Variants in TRABD2B observed in about 807,000 individuals in gnomAD.
The protein encoded by TRABD2B is metalloprotease TIKI2.
In TRABD2B, 14 loss-of-function variants were observed where a neutral mutation model predicts 40.1. The observed-to-expected ratio is 0.35, with a 90% CI of 0.23 to 0.55. The LOEUF (loss-of-function observed/expected upper bound fraction) is 0.55, where lower values mean the gene tolerates loss of function less well. Ranked by LOEUF, TRABD2B falls within the 20% of genes least tolerant of loss-of-function variation. The probability of loss-of-function intolerance (pLI) is 0.90; values close to 1 mark genes in which losing one functional copy is unlikely to be tolerated. For synonymous variants in TRABD2B, 263 were observed against 277.0 expected (o/e 0.95, Z 0.50); for missense variants, 541 against 648.6 (o/e 0.83, Z 1.80).
intron 2 of TRABD2B, among the ~76,000 whole-genome samples, chr1:47,842,050 G>A (rs1265691970): frequency 2.0e-5 from 3 of 152,116 alleles, no homozygotes; most frequent in Non-Finnish European, 2.9e-5. Flanking sequence ...GGGATTACAG[G>A]CATGAACCAC....
chr1:47,795,648 G>T (rs1232855561), intron 3 of TRABD2B: 1 of 984,920 alleles, frequency 1.0e-6, no homozygotes, highest in Admixed American at 6.2e-5. Flanking sequence ...AGAGGATGGG[G>T]GCTGTCATGG....
chr1:47,931,653 C>A (rs112344524), intron 2 of TRABD2B, among the ~76,000 whole-genome samples: 3,234 of 152,266 alleles, frequency 0.021, 57 homozygotes, highest in South Asian at 0.063. Flanking sequence ...CATCTCCCAG[C>A]CATACCTGCC....
chr1:47,959,862 A>C (rs977785486), intron 2 of TRABD2B, among the ~76,000 whole-genome samples: 1 of 152,216 alleles, frequency 6.6e-6, no homozygotes, highest in Non-Finnish European at 1.5e-5. Context: ...TCATTTTATG[A>C]GGCCAGCATC....
At chr1:47,922,991 C>G (rs1209862560) in intron 2 of TRABD2B, among the ~76,000 whole-genome samples, 1 of 152,166 alleles carries the variant, frequency 6.6e-6, no homozygotes, top group South Asian at 2.1e-4. Flanking sequence ...TCAAAGAGGA[C>G]CTCCCTTCCT....
intron 2 of TRABD2B, among the ~76,000 whole-genome samples, chr1:47,934,396 T>G (rs552340050): frequency 1.8e-3 from 273 of 152,352 alleles, no homozygotes; most frequent in Non-Finnish European, 2.0e-3. Flanking sequence ...TCCTAGCTGG[T>G]AAGGCGCATT....
rs369259976 is a variant in TRABD2B at position 47,909,199 on chromosome 1, A to C, written c.666+84835T>G. 1.1e-4 allele frequency among the ~76,000 whole-genome samples: 17 copies of C among 152,344 alleles called. No individual in the cohort carries two copies. In the East Asian group the frequency reaches 1.5e-3, roughly 14 times the overall value. On this transcript the variant is annotated intron_variant, in intron 2 of 6. Transcript: ENST00000606738. ...CTTTAACTGTGCAAGGTAGTGTGTT[A>C]GTCTGTTTTGCATTGCTATAAAAGA...
intron 4 of TRABD2B, among the ~76,000 whole-genome samples, chr1:47,785,137 C>T (rs1644578279): frequency 6.6e-6 from 1 of 152,126 alleles, no homozygotes; most frequent in South Asian, 2.1e-4. Flanking sequence ...GTTGCAGTAA[C>T]ATAAAGTGAA....
At chr1:47,856,906 C>T (rs558813769) in intron 2 of TRABD2B, among the ~76,000 whole-genome samples, 3 of 152,306 alleles carry the variant, frequency 2.0e-5, no homozygotes, top group African/African-American at 7.2e-5. Flanking sequence ...AAAAGGAAAA[C>T]GTACTAGAGG....
At chr1:47,830,641 G>A (rs1025513987) in intron 2 of TRABD2B, among the ~76,000 whole-genome samples, 2 of 152,206 alleles carry the variant, frequency 1.3e-5, no homozygotes, top group African/African-American at 2.4e-5. Flanking sequence ...ATAGGATGAC[G>A]GATATTATTC....
At chr1:47,904,615 T>G (rs1644651138) in intron 2 of TRABD2B, among the ~76,000 whole-genome samples, 1 of 152,026 alleles carries the variant, frequency 6.6e-6, no homozygotes, top group African/African-American at 2.4e-5. Flanking sequence ...TGAGAGAATC[T>G]CATCTTCACA....
rs1323195137 is a variant in TRABD2B, at chr1:47,794,732, G to A, written c.842C>T (p.Pro281Leu). 13 of 1,535,124 alleles carry A rather than the reference G, an allele frequency of 8.5e-6. No individual in the cohort carries two copies. Among genetic ancestry groups the A allele is most frequent in the South Asian group, 1.2e-5 (1 of 83,888 alleles). Residue 281 changes from proline (P) to leucine (L), a missense_variant, in exon 4 of 7, where the codon CCG becomes CTG. Physicochemically the swap from Pro to Leu is moderately conservative, Grantham distance 98 (BLOSUM62 -3). This residue lies in a region of TRABD2B where 369 missense variants were observed against 492.8 expected (regional missense o/e 0.75). Transcript: ENST00000606738. ...CTGGGCCGTCACCTGCTCGTGTGGC[G>A]GGAGGGTGGTGTTGATAAAGTTGGG... ...QLPNFINTTL[P>L]PHEQVTAQEI... is the part of the protein sequence containing the mutation.
At chr1:47,973,767 A>C (rs566984048) in intron 2 of TRABD2B, among the ~76,000 whole-genome samples, 1 of 152,330 alleles carries the variant, frequency 6.6e-6, no homozygotes, top group Non-Finnish European at 1.5e-5. Flanking sequence ...GTTCTCCAGG[A>C]AAGTCCATTT....
intron 3 of TRABD2B, among the ~76,000 whole-genome samples, chr1:47,798,783 G>A (rs890526626): frequency 1.3e-5 from 2 of 152,164 alleles, no homozygotes; most frequent in Admixed American, 1.3e-4. Flanking sequence ...AGGCACTGTG[G>A]CCCCACAGCC....
chr1:47,919,404 T>G (rs957567742), intron 2 of TRABD2B, among the ~76,000 whole-genome samples: 2 of 152,188 alleles, frequency 1.3e-5, no homozygotes, highest in Non-Finnish European at 2.9e-5. Flanking sequence ...CAGCAAAGTC[T>G]ATCTTAAAAG....
At chr1:47,823,549 T>G (rs1237818442) in intron 2 of TRABD2B, among the ~76,000 whole-genome samples, 1 of 152,236 alleles carries the variant, frequency 6.6e-6, no homozygotes, top group Non-Finnish European at 1.5e-5. Flanking sequence ...TCTGTAGGCA[T>G]GCCTGGTTCT....
intron 2 of TRABD2B, among the ~76,000 whole-genome samples, chr1:47,930,117 C>T (rs542960021): frequency 6.6e-6 from 1 of 152,318 alleles, no homozygotes; most frequent in South Asian, 2.1e-4. Context: ...CTGTGGGGAA[C>T]AGCACACCCT....
intron 2 of TRABD2B, among the ~76,000 whole-genome samples, chr1:47,946,543 G>A (rs1190772398): frequency 1.3e-5 from 2 of 152,152 alleles, no homozygotes; most frequent in African/African-American, 4.8e-5. Context: ...TACATTGATT[G>A]ATTTTTGAAC....
intron 2 of TRABD2B, among the ~76,000 whole-genome samples, chr1:47,958,673 T>C (rs1453629340): frequency 6.6e-6 from 1 of 152,158 alleles, no homozygotes; most frequent in African/African-American, 2.4e-5. Flanking sequence ...ATCCTAAATA[T>C]ATATGCACCC....
intron 2 of TRABD2B, among the ~76,000 whole-genome samples, chr1:47,852,356 A>T (rs556176134): frequency 1.1e-4 from 16 of 152,342 alleles, no homozygotes; most frequent in African/African-American, 3.4e-4. Flanking sequence ...TCCAGGCCAA[A>T]GTAATCTAAC....
Sources: gnomAD v4.1 joint callset for allele counts (sites outside exome capture counted in the v4.1 genomes callset) on GRCh38, gnomAD v4.1.1 for gene constraint, gnomAD v4.1.1 regional missense constraint, MANE v1.5 for transcripts, NCBI Gene and HGNC (gene_info 2026-07-23, HGNC 2026-07-21) for gene names.